Variants in RPS6KC1 observed in about 807,000 individuals in gnomAD.
RPS6KC1 encodes the protein ribosomal protein S6 kinase C1.
RPS6KC1 carries 54 observed loss-of-function variants against 103.8 expected under a neutral mutation model. The ratio of observed to expected loss-of-function variants is 0.52; its 90% confidence interval spans 0.42 to 0.65. RPS6KC1 has a LOEUF of 0.65. Among genes scored for constraint, RPS6KC1 ranks in the 30% least tolerant of loss-of-function variants. RPS6KC1 has a pLI of 0.00. For synonymous variants in RPS6KC1, 439 were observed against 438.7 expected, an observed-to-expected ratio of 1.00 and a Z score of -0.01; for missense variants, 1,151 against 1,253.8, an observed-to-expected ratio of 0.92 and a Z score of 1.24.
the RPS6KC1 span, among the ~76,000 whole-genome samples, chr1:213,640,750 A>C: frequency 6.6e-6 from 1 of 151,884 alleles, no homozygotes; most frequent in Non-Finnish European, 1.5e-5. Context: ...CAAAAAATAG[A>C]CTTTGTATAA....
At chr1:213,621,133 C>T in the RPS6KC1 span, among the ~76,000 whole-genome samples, 2 of 152,140 alleles carry the variant, frequency 1.3e-5, no homozygotes, top group African/African-American at 4.8e-5. Context: ...CTTCTCTGCC[C>T]CCACTACTCT....
intron 14 of RPS6KC1, among the ~76,000 whole-genome samples, chr1:213,268,493 C>T (rs1250139942): frequency 6.7e-6 from 1 of 149,914 alleles, no homozygotes; most frequent in African/African-American, 2.4e-5. Flanking sequence ...ATGAGGAACA[C>T]TGAAAATTGT....
At chr1:213,690,168 T>A in the RPS6KC1 span, among the ~76,000 whole-genome samples, 2 of 152,204 alleles carry the variant, frequency 1.3e-5, no homozygotes, top group Non-Finnish European at 2.9e-5. Flanking sequence ...AGCCTGTATA[T>A]TTATCATGTC....
At chr1:213,343,414 T>C in the RPS6KC1 span, among the ~76,000 whole-genome samples, 11 of 32,342 alleles carry the variant, frequency 3.4e-4, 1 homozygote, top group Admixed American at 9.8e-4. Flanking sequence ...TATATATATA[T>C]ATATATATAT....
At chr1:213,586,927 T>C in the RPS6KC1 span, among the ~76,000 whole-genome samples, 2 of 152,206 alleles carry the variant, frequency 1.3e-5, no homozygotes, top group African/African-American at 4.8e-5. Flanking sequence ...GGCTCAGGTC[T>C]CCAAGCTTTC....
chr1:213,187,559 A>T (rs557374285), intron 8 of RPS6KC1, among the ~76,000 whole-genome samples: 1 of 151,622 alleles, frequency 6.6e-6, no homozygotes, highest in Non-Finnish European at 1.5e-5. Context: ...TTTCTTTTTT[A>T]AAATTTCTTT....
rs1022848713 is a variant in RPS6KC1 at position 213,117,469 on chromosome 1, A to T, written c.472+59A>T. On this transcript the variant is annotated intron_variant, in intron 5 of 14. Transcript: ENST00000366960. ...TTTGGATTACAGAAGACTATAAATC[A>T]TATCTGCATTGCAAAAAGACAGATG... 1.3e-4 allele frequency: 125 copies of T among 930,524 alleles called. No individual in the cohort carries two copies. In the African/African-American group the frequency reaches 1.9e-3, roughly 14 times the overall value. 57.6% of individuals were successfully genotyped at this position (930,524 alleles called of 1,614,324 possible).
the RPS6KC1 span, among the ~76,000 whole-genome samples, chr1:213,602,155 TTTC>T: frequency 1.0e-5 from 1 of 97,102 alleles, no homozygotes. Flanking sequence ...TCTTTCTTTC[TTTC>T]TTTCTTTCTT....
chr1:213,341,822 T>G, the RPS6KC1 span, among the ~76,000 whole-genome samples: 3 of 152,206 alleles, frequency 2.0e-5, no homozygotes, highest in Non-Finnish European at 2.9e-5. Flanking sequence ...GATTTGAATT[T>G]CAATGATTGA....
At chr1:213,371,734 C>T in the RPS6KC1 span, among the ~76,000 whole-genome samples, 1 of 152,158 alleles carries the variant, frequency 6.6e-6, no homozygotes, top group African/African-American at 2.4e-5. Context: ...GAAACCCTGC[C>T]ACTTCTGCAT....
the RPS6KC1 span, among the ~76,000 whole-genome samples, chr1:213,400,528 C>T: frequency 1.3e-5 from 2 of 152,106 alleles, no homozygotes; most frequent in African/African-American, 2.4e-5. Flanking sequence ...CCAGACACCC[C>T]TGTCCCTGCC....
At chr1:213,769,700 ACAACCAAT>A in the RPS6KC1 span, among the ~76,000 whole-genome samples, 28 of 152,290 alleles carry the variant, frequency 1.8e-4, no homozygotes, top group African/African-American at 6.7e-4. Flanking sequence ...AGAAAGAAAA[ACAACCAAT>A]CAAGAAAAGG....
chr1:213,127,736 C>T (rs1558374793), intron 5 of RPS6KC1, among the ~76,000 whole-genome samples: 1 of 152,276 alleles, frequency 6.6e-6, no homozygotes, highest in Non-Finnish European at 1.5e-5. Flanking sequence ...CTGTCTGCCA[C>T]TTTGGGTTTG....
At chr1:213,745,694 A>T in the RPS6KC1 span, among the ~76,000 whole-genome samples, 1 of 152,164 alleles carries the variant, frequency 6.6e-6, no homozygotes, top group African/African-American at 2.4e-5. Flanking sequence ...CAGTCCCATG[A>T]TGAGGGAAGG....
intron 3 of RPS6KC1, among the ~76,000 whole-genome samples, chr1:213,078,500 C>G (rs1029283629): frequency 2.6e-5 from 4 of 152,118 alleles, no homozygotes; most frequent in Non-Finnish European, 5.9e-5. Flanking sequence ...CTCCTGGGTT[C>G]AAGTGATTCT....
the RPS6KC1 span, among the ~76,000 whole-genome samples, chr1:213,549,911 C>G: frequency 6.6e-6 from 1 of 152,046 alleles, no homozygotes; most frequent in Non-Finnish European, 1.5e-5. Context: ...AAGCACCACA[C>G]CCAGGTTTGC....
chr1:213,340,108 C>A, the RPS6KC1 span, among the ~76,000 whole-genome samples: 722 of 152,118 alleles, frequency 4.7e-3, 9 homozygotes, highest in African/African-American at 0.016. Flanking sequence ...GTCTTGAACT[C>A]ATAACTTCAT....
At chr1:213,190,306 C>T (rs2092702836) in intron 8 of RPS6KC1, among the ~76,000 whole-genome samples, 1 of 151,762 alleles carries the variant, frequency 6.6e-6, no homozygotes, top group Non-Finnish European at 1.5e-5. Context: ...ACATCCTTGC[C>T]AGCATTTATT....
rs192601702 is a variant in RPS6KC1, at chr1:213,232,840, T to A, written c.1225+585T>A. On this transcript the variant is annotated intron_variant, in intron 10 of 14. Coordinates refer to ENST00000366960, the MANE Select transcript of RPS6KC1 (RefSeq NM_012424.6). ...AGGGAACAGGTGGCAAAAAATATAATGTTTTGATTTTTTTTTGCCCTTTAA... is the reference window on the plus strand; with the variant it reads ...AGGGAACAGGTGGCAAAAAATATAAAGTTTTGATTTTTTTTTGCCCTTTAA... Among the ~76,000 whole-genome samples the A allele has an allele frequency of 1.1e-4, 16 of 152,294 alleles. No homozygotes were observed. The East Asian group carries it at 3.1e-3, about 29-fold the overall frequency.
Sources: gnomAD v4.1 joint callset for allele counts (sites outside exome capture counted in the v4.1 genomes callset) on GRCh38, gnomAD v4.1.1 for gene constraint, MANE v1.5 for transcripts, NCBI Gene and HGNC (gene_info 2026-07-23, HGNC 2026-07-21) for gene names.